The following ZNF83 variants were observed in gnomAD, a reference collection of about 807,000 sequenced individuals.
ZNF83 encodes zinc finger protein 83, also known as zinc finger protein 816B.
For synonymous variants in ZNF83, 209 were observed against 213.0 expected (o/e 0.98, Z 0.17); for missense variants, 552 against 629.9 (o/e 0.88, Z 1.32).
chr19:52,653,106 T>A, intron 3 of ZNF83: 1 of 1,468,980 alleles, frequency 6.8e-7, no homozygotes, highest in Non-Finnish European at 9.5e-7. Flanking sequence ...TTAGAAGGGA[T>A]GAATTTCGAG....
chr19:52,668,761 A>G (rs2061686159), intron 1 of ZNF83, among the ~76,000 whole-genome samples: 1 of 152,250 alleles, frequency 6.6e-6, no homozygotes, highest in Admixed American at 6.5e-5. Context: ...GCTTGTGCAC[A>G]TGGCAGGCCA....
At chr19:52,622,355 C>G (rs1883273473) in intron 2 of ZNF83, among the ~76,000 whole-genome samples, 1 of 152,122 alleles carries the variant, frequency 6.6e-6, no homozygotes, top group Non-Finnish European at 1.5e-5. Context: ...TAATCCAATA[C>G]TACAACTTAA....
At chr19:52,644,008 CCA>C (rs2061341469) in intron 3 of ZNF83, among the ~76,000 whole-genome samples, 1 of 152,084 alleles carries the variant, frequency 6.6e-6, no homozygotes, top group South Asian at 2.1e-4. Flanking sequence ...GGCTGTGGAG[CCA>C]CAGTGAGGAG....
At chr19:52,641,205 TC>T (rs1380229574), upstream of ZNF83, among the ~76,000 whole-genome samples, 1 of 152,112 alleles carries the variant, frequency 6.6e-6, no homozygotes, top group Non-Finnish European at 1.5e-5. Context: ...GCTCTAGCTC[TC>T]CTAGGTTCCT....
chr19:52,655,595 C>A, exon 3 of ZNF83: 1 of 1,504,834 alleles, frequency 6.6e-7, no homozygotes, highest in Non-Finnish European at 9.2e-7. Context: ...TCTCCAACAT[C>A]ACGGCCCTGT....
chr19:52,667,278 A>G (rs2061667677), intron 1 of ZNF83, among the ~76,000 whole-genome samples: 1 of 151,798 alleles, frequency 6.6e-6, no homozygotes. Flanking sequence ...AGAATGTTAT[A>G]TGGTAAATTC....
At chr19:52,668,603 C>T (rs555849354) in intron 1 of ZNF83, among the ~76,000 whole-genome samples, 5 of 152,152 alleles carry the variant, frequency 3.3e-5, no homozygotes, top group Non-Finnish European at 4.4e-5. Context: ...TGACATGCCT[C>T]GTGCCAAATG....
intron 1 of ZNF83, among the ~76,000 whole-genome samples, chr19:52,689,386 T>C (rs1308335493): frequency 2.0e-5 from 3 of 150,774 alleles, no homozygotes; most frequent in Non-Finnish European, 4.5e-5. Context: ...TTCCCTGTTA[T>C]ACCCTCATCC....
chr19:52,646,110 T>C (rs1445853595), intron 3 of ZNF83, among the ~76,000 whole-genome samples: 1 of 151,976 alleles, frequency 6.6e-6, no homozygotes, highest in East Asian at 1.9e-4. Flanking sequence ...CAGCTAATTT[T>C]TGTATTTTTA....
intron 3 of ZNF83, among the ~76,000 whole-genome samples, chr19:52,643,414 A>G (rs886710901): frequency 6.6e-6 from 1 of 151,368 alleles, no homozygotes; most frequent in Non-Finnish European, 1.5e-5. Flanking sequence ...AAAAATCCTG[A>G]GCAACTGTCG....
upstream of ZNF83, among the ~76,000 whole-genome samples, chr19:52,641,133 G>T (rs370093671): frequency 2.7e-5 from 4 of 147,004 alleles, no homozygotes; most frequent in East Asian, 2.0e-4. Context: ...TGTATGGCCT[G>T]GCCCCCAGGC....
At position 52,668,938 on chromosome 19, in the gene ZNF83, G is replaced by A. The variant is rs188046434; in HGVS notation, c.-282-8095C>T. Among the ~76,000 whole-genome samples, 10 of 152,230 alleles carry A rather than the reference G, an allele frequency of 6.6e-5. No individual in the cohort carries two copies. The East Asian group carries it at 1.9e-3, about 29-fold the overall frequency. ...GACACCCTGTGGGTCAGCCCTCCAG[G>A]GCCATCCAGCTTCCAACTCCCAACA... On this transcript the variant is annotated intron_variant, in intron 1 of 5. Coordinates refer to the ZNF83 transcript ENST00000594682.
intron 3 of ZNF83, among the ~76,000 whole-genome samples, chr19:52,643,811 G>C (rs1039434308): frequency 6.6e-6 from 1 of 152,212 alleles, no homozygotes; most frequent in African/African-American, 2.4e-5. Flanking sequence ...AGACCTGAAG[G>C]AGGAGAAAGG....
chr19:52,635,911 G>C (rs1385011245), intron 1 of ZNF83: 1 of 150,428 alleles, frequency 6.6e-6, no homozygotes, highest in Non-Finnish European at 1.5e-5. Context: ...AGAATCGCAT[G>C]AATCTGGGAA....
intron 1 of ZNF83, among the ~76,000 whole-genome samples, chr19:52,675,061 C>T (rs2061780084): frequency 6.6e-6 from 1 of 152,166 alleles, no homozygotes; most frequent in Admixed American, 6.5e-5. Flanking sequence ...ATGAGTGACA[C>T]AGGAAAAGGG....
At chr19:52,673,413 G>A (rs1414413713) in intron 1 of ZNF83, among the ~76,000 whole-genome samples, 1 of 152,108 alleles carries the variant, frequency 6.6e-6, no homozygotes, top group Non-Finnish European at 1.5e-5. Context: ...TGTGGCAGGA[G>A]AATCATTTGA....
exon 3 of ZNF83, chr19:52,614,163 T>C (rs778295587): frequency 6.2e-7 from 1 of 1,614,172 alleles, no homozygotes; most frequent in Admixed American, 1.7e-5. Context: ...TTGCAAGGTT[T>C]GATTTTTTAT....
chr19:52,659,293 A>G (rs1159055345), intron 2 of ZNF83, among the ~76,000 whole-genome samples: 2 of 152,106 alleles, frequency 1.3e-5, no homozygotes, highest in Non-Finnish European at 2.9e-5. Context: ...AAGGCAAAGA[A>G]GGATTTCGTG....
chr19:52,633,642 G>T (rs10411742), intron 2 of ZNF83, among the ~76,000 whole-genome samples: 41,647 of 152,156 alleles, frequency 0.27, 5,963 homozygotes, highest in Middle Eastern at 0.34. Context: ...AGGTGTGGTG[G>T]CTCATGCCTG....
Sources: allele counts gnomAD v4.1 joint callset (sites outside exome capture counted in the v4.1 genomes callset), GRCh38; gene constraint gnomAD v4.1.1; transcripts MANE v1.5; gene names NCBI Gene and HGNC (gene_info 2026-07-23, HGNC 2026-07-21).